Variants in TOX3 observed in about 807,000 individuals in gnomAD.
TOX3 encodes the protein CAG trinucleotide repeat-containing gene F9 protein.
In TOX3, 22 loss-of-function variants were observed where a neutral mutation model predicts 64.3. The observed-to-expected ratio is 0.34, with a 90% CI of 0.24 to 0.49. The LOEUF (loss-of-function observed/expected upper bound fraction) is 0.49. Among genes scored for constraint, TOX3 ranks in the 20% least tolerant of loss-of-function variants. The pLI, the probability that TOX3 is intolerant of heterozygous loss-of-function variation, is 0.99. For missense variants in TOX3, 661 were observed against 714.4 expected, an observed-to-expected ratio of 0.93 and a Z score of 0.85; for synonymous variants, 291 against 273.6, an observed-to-expected ratio of 1.06 and a Z score of -0.63.
chr16:52,546,624 C>T lies in TOX3; in HGVS notation c.87+13G>A, dbSNP rs1220390968. On this transcript the variant is annotated intron_variant, in intron 1 of 6. Coordinates refer to ENST00000219746, the MANE Select transcript of TOX3 (RefSeq NM_001080430.4). ...GGCCCCCGCCCCCCGGCCCACCGGCCCAGCCCGGTCACCTTGCTGTAGCCG... is the reference window on the plus strand; with the variant it reads ...GGCCCCCGCCCCCCGGCCCACCGGCTCAGCCCGGTCACCTTGCTGTAGCCG... 2 of 1,537,888 alleles carry T rather than the reference C, an allele frequency of 1.3e-6. No homozygotes were observed. The highest frequency in any genetic ancestry group is 1.2e-5 in the South Asian group (1 of 83,670).
At chr16:52,456,836 C>G (rs573547346) in intron 3 of TOX3, among the ~76,000 whole-genome samples, 1 of 152,152 alleles carries the variant, frequency 6.6e-6, no homozygotes, top group Admixed American at 6.5e-5. Flanking sequence ...CTGGGGCCTG[C>G]CTAAGGCTCT....
chr16:52,519,195 G>A (rs181901492), intron 1 of TOX3, among the ~76,000 whole-genome samples: 4 of 152,288 alleles, frequency 2.6e-5, no homozygotes, highest in African/African-American at 9.6e-5. Flanking sequence ...CAAATACTGC[G>A]GGGGCCACAA....
chr16:52,470,962 C>T (rs1410182044), intron 1 of TOX3, among the ~76,000 whole-genome samples: 3 of 152,238 alleles, frequency 2.0e-5, no homozygotes, highest in East Asian at 1.9e-4. Context: ...TAAAACAGCC[C>T]CTCTACAAAG....
At chr16:52,543,618 C>T (rs567552274) in intron 1 of TOX3, among the ~76,000 whole-genome samples, 1 of 152,264 alleles carries the variant, frequency 6.6e-6, no homozygotes, top group East Asian at 1.9e-4. Context: ...AAACAGTCGA[C>T]TTTCTACTTG....
rs1209734155 is a variant in TOX3, at chr16:52,439,258, C to T, written c.1698G>A (p.Gln566=). Reference sequence around the variant, plus strand: ...TACTGACCTGCGATAATACTTGAGTCTGTGTCTGAGACTGTATTTGCGACT... The same window carrying T: ...TACTGACCTGCGATAATACTTGAGTTTGTGTCTGAGACTGTATTTGCGACT... ...QHQSQIQSQT[Q]TQVLSQVSIF is the part of the protein sequence containing the mutation. The change falls in exon 7 of 7, where the codon CAG becomes CAA. Residue 566 remains glutamine (Q), a synonymous_variant. Transcript: ENST00000219746. The T allele has an allele frequency of 2.7e-5, 43 of 1,613,780 alleles. No homozygotes were observed. The highest frequency in any genetic ancestry group is 3.4e-5 in the Non-Finnish European group (40 of 1,179,876).
intron 3 of TOX3, among the ~76,000 whole-genome samples, chr16:52,457,530 TAATC>T (rs1013164135): frequency 6.6e-6 from 1 of 152,214 alleles, no homozygotes; most frequent in African/African-American, 2.4e-5. Context: ...TGCCAGTTTT[TAATC>T]AATATTTCTT....
rs1223953772 is a variant in TOX3, at chr16:52,546,896, G to T, written c.-173C>A. 25 of 1,136,616 alleles carry T rather than the reference G, an allele frequency of 2.2e-5. No individual in the cohort carries two copies. Among genetic ancestry groups the T allele is most frequent in the Non-Finnish European group, 2.7e-5 (25 of 927,880 alleles). 70.4% of individuals were successfully genotyped at this position (1,136,616 alleles called of 1,614,324 possible). A position where few individuals can be genotyped will look rare whatever the true frequency, so the allele number is the denominator to read the frequency against. Reference sequence around the variant, plus strand: ...GAGGAGCTCGGGAGCCGCGGCCGCCGCACACAAAGGCGCGGCCACGCGAGC... The same window carrying T: ...GAGGAGCTCGGGAGCCGCGGCCGCCTCACACAAAGGCGCGGCCACGCGAGC... On this transcript the variant is annotated 5_prime_UTR_variant, in exon 1 of 7. Transcript: ENST00000219746.
intron 2 of TOX3, 57 bp downstream of exon 2, chr16:52,468,452 T>G: frequency 6.7e-7 from 1 of 1,494,416 alleles, no homozygotes; most frequent in Admixed American, 1.7e-5. Context: ...TTCAAGCCTA[T>G]TAAATTATCT....
chr16:52,471,590 T>C (rs1211033952), intron 1 of TOX3, among the ~76,000 whole-genome samples: 2 of 152,154 alleles, frequency 1.3e-5, no homozygotes, highest in Admixed American at 6.5e-5. Flanking sequence ...GAACTAACAA[T>C]GTCTGGAATA....
rs2151735879 is a variant in TOX3, at chr16:52,438,672, A to C, written c.*553T>G. The C allele has an allele frequency of 5.6e-6, 1 of 178,940 alleles. No individual in the cohort carries two copies. The highest frequency in any genetic ancestry group is 1.2e-4 in the South Asian group (1 of 8,512). The allele number at this position is 178,940 out of a possible 1,614,324, so 11.1% of individuals were successfully genotyped here. On this transcript the variant is annotated 3_prime_UTR_variant, in exon 7 of 7. Coordinates refer to ENST00000219746, the MANE Select transcript of TOX3 (RefSeq NM_001080430.4). ...TTTTTCTGGAGAGATTTAGGAAAAA[A>C]AATAAGAGCTTTGGCAAAAGTCTGT...
At chr16:52,510,611 C>T (rs1962278435) in intron 1 of TOX3, among the ~76,000 whole-genome samples, 1 of 151,780 alleles carries the variant, frequency 6.6e-6, no homozygotes, top group African/African-American at 2.4e-5. Flanking sequence ...CAAAAATTAG[C>T]TGGGCATGGT....
intron 1 of TOX3, among the ~76,000 whole-genome samples, chr16:52,485,275 T>C (rs543466908): frequency 6.8e-6 from 1 of 146,802 alleles, no homozygotes; most frequent in Admixed American, 6.8e-5. Context: ...TATATATACA[T>C]ATCTCCCATG....
chr16:52,452,211 G>C, intron 3 of TOX3, among the ~76,000 whole-genome samples: 1 of 152,308 alleles, frequency 6.6e-6, no homozygotes, highest in East Asian at 1.9e-4. Flanking sequence ...GGGGTAGAAT[G>C]GGAGGGGCAA....
Position 52,437,966 on chromosome 16 carries a change from C to T in TOX3, c.*1259G>A, listed in dbSNP as rs571871738. 1 of 152,574 alleles carries T rather than the reference C, an allele frequency of 6.6e-6. No homozygotes were observed. Among genetic ancestry groups the T allele is most frequent in the African/African-American group, 2.4e-5 (1 of 41,500 alleles). 9.5% of individuals were successfully genotyped at this position (152,574 alleles called of 1,614,324 possible). On this transcript the variant is annotated 3_prime_UTR_variant, in exon 7 of 7. Transcript: ENST00000219746. The stretch of plus-strand genomic sequence containing the variant: ...GGCTAAAACGAAACTTGGTATGTGG[C>T]ATATTTCCCCATCTTACATGTATTC...
Position 52,533,415 on chromosome 16 carries a change from C to A in TOX3, c.87+13222G>T, listed in dbSNP as rs143007362. Among the ~76,000 whole-genome samples, 18 of 152,220 alleles carry A rather than the reference C, an allele frequency of 1.2e-4. No homozygotes were observed. The East Asian group carries it at 3.3e-3, about 28-fold the overall frequency. ...GAGAAAGTCATTCTGTTTTGAATTCCCTTTCAATCCCCCAGATAAAATAAC... is the reference window on the plus strand; with the variant it reads ...GAGAAAGTCATTCTGTTTTGAATTCACTTTCAATCCCCCAGATAAAATAAC... On this transcript the variant is annotated intron_variant, in intron 1 of 6. Transcript: ENST00000219746.
intron 6 of TOX3, among the ~76,000 whole-genome samples, chr16:52,442,421 C>T (rs149344954): frequency 2.6e-5 from 4 of 152,258 alleles, no homozygotes; most frequent in African/African-American, 4.8e-5. Context: ...CCTTATATAA[C>T]GGCCCTTATA....
chr16:52,487,042 T>C (rs1777603416), intron 1 of TOX3, among the ~76,000 whole-genome samples: 1 of 152,128 alleles, frequency 6.6e-6, no homozygotes, highest in Admixed American at 6.5e-5. Flanking sequence ...CCCTAGCATA[T>C]AAATTATCCC....
chr16:52,522,506 C>G (rs183585723), intron 1 of TOX3, among the ~76,000 whole-genome samples: 1 of 152,186 alleles, frequency 6.6e-6, no homozygotes, highest in Non-Finnish European at 1.5e-5. Context: ...CAGTCTCACA[C>G]AAATGGGCAG....
rs115371023 is a variant in TOX3 at position 52,536,018 on chromosome 16, T to C, written c.87+10619A>G. On this transcript the variant is annotated intron_variant, in intron 1 of 6. Transcript: ENST00000219746. ...TGTCAACACATATTCACTCAAATAC[T>C]AAACTACAACCAGATCTTCTGCTCA... Among the ~76,000 whole-genome samples, 980 of 152,332 alleles carry C rather than the reference T, an allele frequency of 6.4e-3. 10 individuals are homozygous for C. The highest frequency in any genetic ancestry group is 0.022 in the African/African-American group (931 of 41,574).
Sources: gnomAD v4.1 joint callset for allele counts (sites outside exome capture counted in the v4.1 genomes callset) on GRCh38, gnomAD v4.1.1 for gene constraint, MANE v1.5 for transcripts, NCBI Gene and HGNC (gene_info 2026-07-23, HGNC 2026-07-21) for gene names.